The following PRKG2 variants were observed in gnomAD, a reference collection of about 807,000 sequenced individuals.
PRKG2 encodes protein kinase cGMP-dependent 2, also known as cGMP-dependent protein kinase 2.
PRKG2 carries 33 observed loss-of-function variants against 97.2 expected under a neutral mutation model. That is an observed-to-expected ratio of 0.34 (90% CI 0.26 to 0.45). PRKG2 has a LOEUF of 0.45. Ranked by LOEUF, PRKG2 falls within the 20% of genes least tolerant of loss-of-function variation. The pLI is 1.00. For synonymous variants in PRKG2, 330 were observed against 321.8 expected, an observed-to-expected ratio of 1.03 and a Z score of -0.27; for missense variants, 638 against 900.0, an observed-to-expected ratio of 0.71 and a Z score of 3.73.
chr4:81,197,564 C>A (rs1753039738), intron 2 of PRKG2, among the ~76,000 whole-genome samples: 1 of 152,146 alleles, frequency 6.6e-6, no homozygotes. Flanking sequence ...TTAGCCACTA[C>A]TAGTGATAAC....
intron 2 of PRKG2, among the ~76,000 whole-genome samples, chr4:81,182,527 A>G (rs1384312884): frequency 6.6e-6 from 1 of 152,018 alleles, no homozygotes; most frequent in East Asian, 1.9e-4. Context: ...CAGAAGTCTG[A>G]GCAAATTTAA....
chr4:81,187,313 G>A lies in PRKG2; in HGVS notation c.462-12354C>T, dbSNP rs190121081. Among the ~76,000 whole-genome samples the A allele has an allele frequency of 1.9e-3, 289 of 152,300 alleles. 1 individual carries two copies. Among genetic ancestry groups the A allele is most frequent in the African/African-American group, 6.4e-3 (266 of 41,558 alleles). ...GGCTTCATCCTTGGGATGCAAGGCT[G>A]GTTCAACATATGCAAATCAAAAAAT... On this transcript the variant is annotated intron_variant, in intron 2 of 18. Transcript: ENST00000264399.
intron 14 of PRKG2, among the ~76,000 whole-genome samples, chr4:81,118,413 A>C (rs1410675721): frequency 6.6e-6 from 1 of 152,212 alleles, no homozygotes; most frequent in Non-Finnish European, 1.5e-5. Flanking sequence ...AGAAACTTCC[A>C]AACTGCCTGT....
intron 2 of PRKG2, among the ~76,000 whole-genome samples, chr4:81,194,668 A>C (rs1375526077): frequency 1.3e-5 from 2 of 152,228 alleles, no homozygotes; most frequent in African/African-American, 2.4e-5. Context: ...AGGGTTTAAC[A>C]ATGAAATGTT....
At chr4:81,203,535 T>C (rs190731343) in intron 2 of PRKG2, among the ~76,000 whole-genome samples, 170 of 152,340 alleles carry the variant, frequency 1.1e-3, no homozygotes, top group African/African-American at 3.9e-3. Context: ...TCACAAATCT[T>C]GCATTTTGCA....
chr4:81,156,987 A>C (rs1749160136), intron 6 of PRKG2, among the ~76,000 whole-genome samples: 1 of 152,210 alleles, frequency 6.6e-6, no homozygotes, highest in African/African-American at 2.4e-5. Flanking sequence ...GGAAAGATCC[A>C]AAATTGACAC....
At position 81,159,631 on chromosome 4, in the gene PRKG2, A is replaced by G. The variant is rs1749431678; in HGVS notation, c.913-5910T>C. Among the ~76,000 whole-genome samples, 5 of 152,170 alleles carry G rather than the reference A, an allele frequency of 3.3e-5. No individual in the cohort carries two copies. The South Asian group carries it at 1.0e-3, about 32-fold the overall frequency. ...TGTGTATATACCCAAAGGACTATAA[A>G]TCATGCTGCTATAAAGACACATGCA... On this transcript the variant is annotated intron_variant, in intron 6 of 18. Coordinates refer to ENST00000264399, the MANE Select transcript of PRKG2 (RefSeq NM_006259.3).
rs544742743 is a variant in PRKG2, at chr4:81,090,879, T to C, written c.2194-1076A>G. On this transcript the variant is annotated intron_variant, in intron 18 of 18. Coordinates refer to ENST00000264399, the MANE Select transcript of PRKG2 (RefSeq NM_006259.3). ...CTGATCCCATTCTTCTAATAAATAA[T>C]ATCTATCCATAGATACATGAAATAA... Among the ~76,000 whole-genome samples the C allele has an allele frequency of 7.2e-5, 11 of 152,342 alleles. No individual in the cohort carries two copies. The South Asian group carries it at 2.3e-3, about 32-fold the overall frequency.
chr4:81,130,723 C>T (rs187869363), intron 14 of PRKG2, among the ~76,000 whole-genome samples: 1 of 152,150 alleles, frequency 6.6e-6, no homozygotes, highest in South Asian at 2.1e-4. Context: ...AGTCTGGCTA[C>T]GGTGGTTTTG....
At position 81,089,749 on chromosome 4, in the gene PRKG2, T is replaced by C; in HGVS notation, c.2248A>G (p.Met750Val). 2 of 1,613,346 alleles carry C rather than the reference T, an allele frequency of 1.2e-6. No homozygotes were observed. The highest frequency in any genetic ancestry group is 1.7e-6 in the Non-Finnish European group (2 of 1,179,278). Residue 750 changes from methionine (M) to valine (V), a missense_variant, in exon 19 of 19, where the codon ATG becomes GTG. This residue lies in a region of PRKG2 where 304 missense variants were observed against 460.5 expected (regional missense o/e 0.66). Transcript: ENST00000264399. ...YFDKYPPEKGMPPDELSGWDK... is the reference protein window; with the variant it reads ...YFDKYPPEKGVPPDELSGWDK... ...CAGCCTGATAGCTCATCTGGAGGCA[T>C]TCCCTTTTCAGGAGGATATTTGTCA...
chr4:81,128,475 T>G (rs1351439943), intron 14 of PRKG2, among the ~76,000 whole-genome samples: 1 of 152,224 alleles, frequency 6.6e-6, no homozygotes, highest in Non-Finnish European at 1.5e-5. Context: ...CTTTTTTTTG[T>G]TGGTAGGCTA....
chr4:81,097,764 T>C (rs1742277117), intron 17 of PRKG2, among the ~76,000 whole-genome samples: 2 of 152,178 alleles, frequency 1.3e-5, no homozygotes, highest in Non-Finnish European at 2.9e-5. Context: ...TTCTTAAACT[T>C]CATGAACCAA....
At chr4:81,217,031 G>GTATATATATATATA (rs35897460), upstream of PRKG2, among the ~76,000 whole-genome samples, 859 of 115,196 alleles carry the variant, frequency 7.5e-3, 11 homozygotes, top group South Asian at 0.019. Context: ...TATATATTTT[G>GTATATATATATATA]TATATATATA....
rs559863094 is a variant in PRKG2, at chr4:81,190,826, GA to G, written c.461+13760del. ...AGACATTTATGCAGCCAACAGACAT[GA>G]AAAAAAGCTCAACATCACTGGTCAT... On this transcript the variant is annotated intron_variant, in intron 2 of 18. Coordinates refer to ENST00000264399, the MANE Select transcript of PRKG2 (RefSeq NM_006259.3). 2.8e-3 allele frequency among the ~76,000 whole-genome samples: 429 copies of G among 152,138 alleles called. 1 individual carries two copies. The highest frequency in any genetic ancestry group is 4.6e-3 in the Non-Finnish European group (314 of 67,986).
At chr4:81,171,970 C>T (rs1316984999) in intron 3 of PRKG2, among the ~76,000 whole-genome samples, 166 bp from the exon 4 acceptor site, 2 of 151,980 alleles carry the variant, frequency 1.3e-5, no homozygotes, top group Non-Finnish European at 2.9e-5. Flanking sequence ...GAAATCACCT[C>T]TGCCACTTAC....
In PRKG2 at chr4:81,158,454, T is replaced by C. The variant is rs978756364; in HGVS notation, c.913-4733A>G. On this transcript the variant is annotated intron_variant, in intron 6 of 18. Coordinates refer to ENST00000264399, the MANE Select transcript of PRKG2 (RefSeq NM_006259.3). ...CACTGCTCAAGGAAATAAAAGAGGA[T>C]ACAAACAAATGGAACATTCCATGCT... is the stretch of plus-strand genomic sequence containing the variant. Among the ~76,000 whole-genome samples the C allele has an allele frequency of 4.3e-5, 6 of 138,664 alleles. No homozygotes were observed. The East Asian group carries it at 1.2e-3, about 27-fold the overall frequency. 91.0% of individuals were successfully genotyped at this position (138,664 alleles called of 152,430 possible). A position where few individuals can be genotyped will look rare whatever the true frequency, so the allele number is the denominator to read the frequency against.
At chr4:81,194,279 G>A (rs956274678) in intron 2 of PRKG2, among the ~76,000 whole-genome samples, 1 of 151,908 alleles carries the variant, frequency 6.6e-6, no homozygotes, top group Non-Finnish European at 1.5e-5. Context: ...AAAATTATGG[G>A]TACAGGGACA....
chr4:81,175,663 GGACTA>G (rs918197763), intron 2 of PRKG2: 9 of 152,070 alleles, frequency 5.9e-5, no homozygotes, highest in African/African-American at 1.7e-4. Flanking sequence ...AGATATGGGT[GGACTA>G]GACAGAACTG....
intron 16 of PRKG2, among the ~76,000 whole-genome samples, chr4:81,105,309 C>T (rs1253910587): frequency 1.3e-5 from 2 of 152,014 alleles, no homozygotes; most frequent in African/African-American, 4.8e-5. Context: ...CTCTCCCTTC[C>T]GAGTCCCTGA....
Sources: allele counts gnomAD v4.1 joint callset (sites outside exome capture counted in the v4.1 genomes callset), GRCh38; gene constraint gnomAD v4.1.1; regional missense constraint gnomAD v4.1.1; transcripts MANE v1.5; gene names NCBI Gene and HGNC (gene_info 2026-07-23, HGNC 2026-07-21).